LRRTM4: variants seen among roughly 807,000 people sequenced by gnomAD.
LRRTM4 encodes the protein leucine-rich repeat transmembrane neuronal protein 4.
Under a neutral mutation model 47.6 loss-of-function variants are expected in LRRTM4, and 25 were observed. The observed-to-expected ratio is 0.53, with a 90% CI of 0.38 to 0.73. LRRTM4 has a LOEUF of 0.73. Among genes scored for constraint, LRRTM4 ranks in the 30% least tolerant of loss-of-function variants. LRRTM4 has a pLI of 0.00. For synonymous variants in LRRTM4, 311 were observed against 269.5 expected (o/e 1.15, Z -1.51); for missense variants, 638 against 713.4 (o/e 0.89, Z 1.20).
intron 3 of LRRTM4, among the ~76,000 whole-genome samples, chr2:76,879,771 C>G (rs1672876988): frequency 6.6e-6 from 1 of 152,126 alleles, no homozygotes; most frequent in Non-Finnish European, 1.5e-5. Flanking sequence ...AGGAATCACC[C>G]TTCTAAATGC....
intron 3 of LRRTM4, among the ~76,000 whole-genome samples, chr2:77,236,362 T>C (rs1247775413): frequency 6.6e-6 from 1 of 152,276 alleles, no homozygotes; most frequent in East Asian, 1.9e-4. Context: ...GTACATTGAT[T>C]GTGTATTCTG....
intron 3 of LRRTM4, among the ~76,000 whole-genome samples, chr2:77,070,071 G>A (rs1294649101): frequency 6.6e-6 from 1 of 151,938 alleles, no homozygotes; most frequent in South Asian, 2.1e-4. Flanking sequence ...ATATAAAATC[G>A]GAAATGAGGC....
intron 3 of LRRTM4, among the ~76,000 whole-genome samples, chr2:77,386,722 G>C (rs1209894975): frequency 6.6e-6 from 1 of 152,046 alleles, no homozygotes; most frequent in African/African-American, 2.4e-5. Flanking sequence ...TCACTCGTAA[G>C]TGGGAGTTGA....
chr2:77,054,181 G>A (rs943816321), intron 3 of LRRTM4, among the ~76,000 whole-genome samples: 4 of 152,220 alleles, frequency 2.6e-5, no homozygotes, highest in Admixed American at 1.3e-4. Flanking sequence ...CCAGAGAGAC[G>A]GTGCCTTGGG....
chr2:77,265,661 T>C (rs954623921), intron 3 of LRRTM4, among the ~76,000 whole-genome samples: 52 of 152,256 alleles, frequency 3.4e-4, no homozygotes, highest in African/African-American at 1.2e-3. Context: ...ATTAGTAATA[T>C]GTACAAAGAA....
intron 3 of LRRTM4, among the ~76,000 whole-genome samples, chr2:77,084,376 C>G (rs1352302873): frequency 6.6e-6 from 1 of 152,152 alleles, no homozygotes; most frequent in Non-Finnish European, 1.5e-5. Flanking sequence ...GTCCTGAGGA[C>G]TTTGTGAACA....
intron 3 of LRRTM4, among the ~76,000 whole-genome samples, chr2:76,814,719 A>G (rs2103835351): frequency 6.6e-6 from 1 of 151,942 alleles, no homozygotes; most frequent in Middle Eastern, 3.4e-3. Flanking sequence ...TATCCTCAGG[A>G]GTCTTGGAGC....
intron 3 of LRRTM4, among the ~76,000 whole-genome samples, chr2:77,312,728 C>T (rs770046757): frequency 1.3e-5 from 2 of 151,838 alleles, no homozygotes; most frequent in Non-Finnish European, 2.9e-5. Flanking sequence ...GGAAACTAGT[C>T]ATTCAATAAG....
chr2:77,179,192 A>G (rs952985164), intron 3 of LRRTM4, among the ~76,000 whole-genome samples: 1 of 152,156 alleles, frequency 6.6e-6, no homozygotes, highest in Non-Finnish European at 1.5e-5. Context: ...AAAGAAGCAA[A>G]ACTTAGATCT....
At chr2:77,474,493 A>T (rs1229945465) in intron 3 of LRRTM4, among the ~76,000 whole-genome samples, 1 of 152,100 alleles carries the variant, frequency 6.6e-6, no homozygotes, top group Admixed American at 6.6e-5. Flanking sequence ...GGTTACAGCA[A>T]TGTCAAGAGT....
intron 3 of LRRTM4, among the ~76,000 whole-genome samples, chr2:77,056,164 C>A (rs1172891967): frequency 6.9e-6 from 1 of 144,982 alleles, no homozygotes; most frequent in Admixed American, 7.0e-5. Context: ...ACATTGTGCA[C>A]ATGTACCCTA....
In LRRTM4 at chr2:77,251,396, G is replaced by C. The variant is rs139803490; in HGVS notation, c.1551+266922C>G. ...GATTGCTAGGAGTTCCAGGGAAATG[G>C]AGGAAGAAAGAGAACAAGAAGTCAC... On this transcript the variant is annotated intron_variant, in intron 3 of 3. Transcript: ENST00000409884. Among the ~76,000 whole-genome samples the C allele has an allele frequency of 1.8e-4, 28 of 151,824 alleles. No individual in the cohort carries two copies. In the East Asian group the frequency reaches 4.7e-3, roughly 26 times the overall value.
intron 3 of LRRTM4, among the ~76,000 whole-genome samples, chr2:77,049,323 T>C (rs771226045): frequency 2.0e-5 from 3 of 151,420 alleles, no homozygotes; most frequent in Non-Finnish European, 4.4e-5. Flanking sequence ...TTTTGATATA[T>C]ATCCAGTGGT....
chr2:77,120,782 T>A (rs2103954707), intron 3 of LRRTM4, among the ~76,000 whole-genome samples: 1 of 151,938 alleles, frequency 6.6e-6, no homozygotes, highest in East Asian at 1.9e-4. Context: ...TTGACATCTC[T>A]GATAGAGCCA....
At chr2:76,978,516 C>A (rs1241397024) in intron 3 of LRRTM4, among the ~76,000 whole-genome samples, 2 of 152,012 alleles carry the variant, frequency 1.3e-5, no homozygotes, top group Admixed American at 6.6e-5. Context: ...AAGGCTATTG[C>A]ATTTTAAGAA....
chr2:77,216,680 G>C (rs1366972864), intron 3 of LRRTM4, among the ~76,000 whole-genome samples: 1 of 152,156 alleles, frequency 6.6e-6, no homozygotes, highest in Non-Finnish European at 1.5e-5. Context: ...TTTTTCAATA[G>C]AAAGGGTAAC....
intron 3 of LRRTM4, among the ~76,000 whole-genome samples, chr2:77,145,557 G>A (rs930794055): frequency 2.6e-5 from 4 of 151,194 alleles, no homozygotes; most frequent in Non-Finnish European, 4.4e-5. Flanking sequence ...TCATGAGGCC[G>A]GGAGATCGAG....
At chr2:77,249,633 T>C (rs980092880) in intron 3 of LRRTM4, among the ~76,000 whole-genome samples, 1 of 152,176 alleles carries the variant, frequency 6.6e-6, no homozygotes, top group Non-Finnish European at 1.5e-5. Context: ...CACCTATCTA[T>C]TACAATGGCC....
intron 3 of LRRTM4, among the ~76,000 whole-genome samples, chr2:76,800,811 C>T (rs1354507264): frequency 1.3e-5 from 2 of 148,202 alleles, no homozygotes; most frequent in Non-Finnish European, 3.0e-5. Flanking sequence ...ACAGACACTT[C>T]TCAAAAGAAG....
Sources: allele counts gnomAD v4.1 joint callset (sites outside exome capture counted in the v4.1 genomes callset), GRCh38; gene constraint gnomAD v4.1.1; transcripts MANE v1.5; gene names NCBI Gene and HGNC (gene_info 2026-07-23, HGNC 2026-07-21).